PCTP: variants seen among roughly 807,000 people sequenced by gnomAD.
The protein encoded by PCTP is START domain-containing protein 2.
A neutral mutation model predicts 31.0 loss-of-function variants in PCTP; 27 were observed. The ratio of observed to expected loss-of-function variants is 0.87; its 90% CI spans 0.64 to 1.20. The LOEUF (loss-of-function observed/expected upper bound fraction) is 1.20, where lower values mean the gene tolerates loss of function less well. Ranked by LOEUF, PCTP falls within the 50% of genes most tolerant of loss-of-function variation. PCTP has a pLI of 0.00. For missense variants in PCTP, 287 were observed against 268.2 expected (o/e 1.07, Z -0.49); for synonymous variants, 108 against 101.2 (o/e 1.07, Z -0.40).
chr17:55,831,483 A>C (rs1166234941), intron 5 of PCTP, among the ~76,000 whole-genome samples: 1 of 152,158 alleles, frequency 6.6e-6, no homozygotes, highest in Non-Finnish European at 1.5e-5. Flanking sequence ...TTTGGGCATC[A>C]GCTTCCTTCC....
intron 3 of PCTP, among the ~76,000 whole-genome samples, chr17:55,818,816 G>T (rs1419904630): frequency 6.6e-6 from 1 of 151,954 alleles, no homozygotes; most frequent in African/African-American, 2.4e-5. Flanking sequence ...AAGATGGTAA[G>T]CCAGTGAAGC....
At chr17:55,774,081 GTA>G (rs1911173121) in intron 4 of PCTP, among the ~76,000 whole-genome samples, 186 bp downstream of exon 4, 1 of 152,198 alleles carries the variant, frequency 6.6e-6, no homozygotes, top group Non-Finnish European at 1.5e-5. Context: ...CTTGAGTAGA[GTA>G]TGAGGTTGAT....
chr17:55,802,658 A>G (rs1195222199), intron 3 of PCTP, among the ~76,000 whole-genome samples: 1 of 152,212 alleles, frequency 6.6e-6, no homozygotes, highest in Non-Finnish European at 1.5e-5. Context: ...CTTTGATAAC[A>G]TTCAACACCC....
intron 1 of PCTP, among the ~76,000 whole-genome samples, chr17:55,766,219 G>A (rs1910640962): frequency 6.6e-6 from 1 of 150,880 alleles, no homozygotes; most frequent in South Asian, 2.1e-4. Flanking sequence ...GAGGAGGTCA[G>A]TGTTTGGTGT....
the PCTP span, among the ~76,000 whole-genome samples, chr17:55,848,907 C>A: frequency 1.4e-4 from 22 of 152,112 alleles, no homozygotes; most frequent in South Asian, 3.3e-3. Flanking sequence ...AGCTATCACA[C>A]ATAGAAAACA....
chr17:55,795,440 GC>G (rs1198756542), intron 3 of PCTP, among the ~76,000 whole-genome samples: 1 of 151,996 alleles, frequency 6.6e-6, no homozygotes. Context: ...TGCATGTGTT[GC>G]CCAGAGAACC....
intron 1 of PCTP, among the ~76,000 whole-genome samples, chr17:55,759,339 T>C (rs2912550): frequency 0.82 from 124,348 of 152,062 alleles, 54,568 homozygotes; most frequent in Non-Finnish European, 0.98. Flanking sequence ...TTGTTTTACC[T>C]AGCTGTGTGC....
At chr17:55,780,496 C>T (rs185449251), downstream of PCTP, among the ~76,000 whole-genome samples, 1 of 152,306 alleles carries the variant, frequency 6.6e-6, no homozygotes, top group Non-Finnish European at 1.5e-5. Context: ...ATGGTGGTTG[C>T]ATCCTTTCTG....
At chr17:55,850,056 T>G in the PCTP span, among the ~76,000 whole-genome samples, 1 of 152,178 alleles carries the variant, frequency 6.6e-6, no homozygotes, top group African/African-American at 2.4e-5. Context: ...CATTCAAAAT[T>G]GAATATAATG....
chr17:55,788,336 T>C (rs1185451843), intron 3 of PCTP, among the ~76,000 whole-genome samples: 1 of 152,206 alleles, frequency 6.6e-6, no homozygotes, highest in Non-Finnish European at 1.5e-5. Flanking sequence ...CTCTGGTGAA[T>C]TGTGGTTCCT....
rs1299663485 is a variant in PCTP at position 55,767,434 on chromosome 17, T to C, written c.241T>C (p.Trp81Arg). Residue 81 changes from tryptophan (W) to arginine (R), a missense_variant, in exon 2 of 6, where the codon TGG becomes CGG. Trp to Arg is a moderately radical substitution (Grantham distance 101, BLOSUM62 -3). Coordinates refer to ENST00000268896, the MANE Select transcript of PCTP (RefSeq NM_021213.4). ...IYMDSDYRKQ[W>R]DQYVKELYEQ... The stretch of plus-strand genomic sequence containing the variant: ...TATGGACTCAGATTACAGAAAACAA[T>C]GGGACCAGTATGTTAAAGGTGAGTG... The C allele has an allele frequency of 2.5e-6, 4 of 1,606,518 alleles. No homozygotes were observed. The highest frequency in any genetic ancestry group is 3.4e-6 in the Non-Finnish European group (4 of 1,173,746).
At chr17:55,842,398 T>G (rs1906011253) in intron 5 of PCTP, among the ~76,000 whole-genome samples, 2 of 152,224 alleles carry the variant, frequency 1.3e-5, no homozygotes, top group South Asian at 4.1e-4. Context: ...CACTGAGATG[T>G]TGGAAGTCCC....
intron 3 of PCTP, among the ~76,000 whole-genome samples, chr17:55,817,903 G>T (rs191049987): frequency 6.6e-6 from 1 of 152,256 alleles, no homozygotes; most frequent in East Asian, 1.9e-4. Flanking sequence ...GAACTCTCCT[G>T]GGTCCTAGGG....
At chr17:55,812,050 A>ACAGATGTGGAAGTAGATT (rs1912769776) in intron 3 of PCTP, among the ~76,000 whole-genome samples, 1 of 152,130 alleles carries the variant, frequency 6.6e-6, no homozygotes, top group Admixed American at 6.5e-5. Flanking sequence ...TCTGTATTTT[A>ACAGATGTGGAAGTAGATT]CAGATGTGGA....
At chr17:55,771,251 C>A in intron 3 of PCTP, 66 bp downstream of exon 3, 1 of 1,237,828 alleles carries the variant, frequency 8.1e-7, no homozygotes, top group Non-Finnish European at 1.2e-6. Flanking sequence ...CAGCTGCAGT[C>A]TATTGCAGAG....
rs114651273 is a variant in PCTP, at chr17:55,771,129, G to A, written c.283G>A (p.Gly95Arg). The change falls in exon 3 of 6, where the codon GGA becomes AGA. Residue 95 changes from glycine (G) to arginine (R), a missense_variant. By Grantham distance (125) the Gly-to-Arg change is moderately radical. Transcript: ENST00000268896. The stretch of plus-strand genomic sequence containing the variant: ...AGAACTCTATGAACAAGAATGCAAC[G>A]GAGAGACTGTGGTCTACTGGGAAGT... ...VKELYEQECNGETVVYWEVKY... is the reference protein window; with the variant it reads ...VKELYEQECNRETVVYWEVKY... 483 of 1,613,354 alleles carry A rather than the reference G, an allele frequency of 3.0e-4. No homozygotes were observed. In the African/African-American group the frequency reaches 4.0e-3, roughly 13 times the overall value.
At chr17:55,751,601 G>T in intron 1 of PCTP, 1 of 970,390 alleles carries the variant, frequency 1.0e-6, no homozygotes, top group Non-Finnish European at 1.4e-6. Flanking sequence ...CGTGTCAGTG[G>T]CATATGGGGG....
chr17:55,799,058 T>C (rs1471912974), intron 3 of PCTP, among the ~76,000 whole-genome samples: 2 of 151,844 alleles, frequency 1.3e-5, no homozygotes, highest in African/African-American at 4.8e-5. Flanking sequence ...GTAAAAGGAT[T>C]AGTAAGCTAA....
downstream of PCTP, among the ~76,000 whole-genome samples, chr17:55,845,085 C>CAAAAAAAAAAAAAA (rs891404386): frequency 3.9e-3 from 126 of 32,512 alleles, 9 homozygotes; most frequent in East Asian, 0.021. Context: ...AAAACTCCAT[C>CAAAAAAAAAAAAAA]AAAAAAAAAA....
Sources: gnomAD v4.1 joint callset for allele counts (sites outside exome capture counted in the v4.1 genomes callset) on GRCh38, gnomAD v4.1.1 for gene constraint, MANE v1.5 for transcripts, NCBI Gene and HGNC (gene_info 2026-07-23, HGNC 2026-07-21) for gene names.